Variants in WDR27 observed in about 807,000 individuals in gnomAD.
WDR27 encodes the protein WD repeat domain 27, also known as WD repeat-containing protein 27.
A neutral mutation model predicts 114.4 loss-of-function variants in WDR27; 100 were observed. That is an observed-to-expected ratio of 0.87 (90% CI 0.74 to 1.03). The LOEUF (loss-of-function observed/expected upper bound fraction) is 1.03, where lower values mean the gene tolerates loss of function less well. WDR27 is among the 50% of genes least tolerant of loss of function. The pLI, the probability that WDR27 is intolerant of heterozygous loss-of-function variation, is 0.00. For missense variants in WDR27, 1,129 were observed against 1,092.9 expected, an observed-to-expected ratio of 1.03 and a Z score of -0.47; for synonymous variants, 449 against 423.1, an observed-to-expected ratio of 1.06 and a Z score of -0.75.
chr6:169,569,566 ATGG>A (rs1269531333), intron 25 of WDR27, among the ~76,000 whole-genome samples: 15 of 152,364 alleles, frequency 9.8e-5, no homozygotes, highest in Admixed American at 8.5e-4. Context: ...AAACATAAAT[ATGG>A]TGAATTTTAA....
chr6:169,434,864 C>G, the WDR27 span, among the ~76,000 whole-genome samples: 1 of 152,234 alleles, frequency 6.6e-6, no homozygotes, highest in Non-Finnish European at 1.5e-5. Flanking sequence ...GCATAAGTGA[C>G]AAGGAGCCAA....
At chr6:169,618,642 A>G (rs1340105060) in intron 21 of WDR27, among the ~76,000 whole-genome samples, 1 of 151,378 alleles carries the variant, frequency 6.6e-6, no homozygotes, top group Non-Finnish European at 1.5e-5. Context: ...AAAAAAAAAA[A>G]AAAAAAACAT....
chr6:169,473,415 G>C (rs933380931), intron 25 of WDR27, among the ~76,000 whole-genome samples: 3 of 152,164 alleles, frequency 2.0e-5, no homozygotes, highest in Non-Finnish European at 4.4e-5. Context: ...CAGGGAATGA[G>C]TTATTTTTAA....
chr6:169,484,285 C>G (rs777933746), intron 25 of WDR27, among the ~76,000 whole-genome samples: 24 of 152,194 alleles, frequency 1.6e-4, no homozygotes, highest in Non-Finnish European at 3.2e-4. Flanking sequence ...CCTATCGTCT[C>G]AGCCCAAAAG....
intron 6 of WDR27, chr6:169,666,928 AT>A: frequency 1.0e-6 from 1 of 985,458 alleles, no homozygotes; most frequent in Non-Finnish European, 1.2e-6. Context: ...CCAAGCATCC[AT>A]TTAATTTTAA....
At chr6:169,582,700 T>A in intron 24 of WDR27, 136 bp downstream of exon 24, 1 of 588,146 alleles carries the variant, frequency 1.7e-6, no homozygotes, top group South Asian at 2.6e-5. Context: ...TCCTAAGTTC[T>A]CCTTGCACTC....
rs751822117 is a variant in WDR27 at position 169,668,038 on chromosome 6, A to T, written c.604T>A (p.Phe202Ile). Residue 202 changes from phenylalanine to isoleucine, a missense_variant, in exon 5 of 26, where the codon TTC (phenylalanine) becomes ATC (isoleucine). Coordinates refer to ENST00000448612, the MANE Select transcript of WDR27 (RefSeq NM_182552.5). ...AGGGTGCCTGCTCGCCAGGGACAGA[A>T]CTCCACCGCAGTCACCGGGCCCAGG... ...GHLGPVTAVE[F>I]CPWRAGTLIS... 1.9e-5 allele frequency: 31 copies of T among 1,613,946 alleles called. No homozygotes were observed. The highest frequency in any genetic ancestry group is 2.6e-5 in the Non-Finnish European group (31 of 1,179,864).
chr6:169,664,175 T>G lies in WDR27; in HGVS notation c.895A>C (p.Ser299Arg). 6.3e-7 allele frequency: 1 copy of G among 1,593,466 alleles called. No homozygotes were observed. Residue 299 changes from serine to arginine, a missense_variant, in exon 8 of 26, where the codon AGC (serine) becomes CGC (arginine). Transcript: ENST00000448612. Reference sequence around the variant, plus strand: ...GGTCTGAGCAACCCACCTGGCTGGCTGCACAGCCCAGACTTAACCCTTCTT... The same window carrying G: ...GGTCTGAGCAACCCACCTGGCTGGCGGCACAGCCCAGACTTAACCCTTCTT... ...STRRVKSGLC[S>R]QPEESQLPST... is the part of the protein sequence containing the mutation.
intron 25 of WDR27, among the ~76,000 whole-genome samples, chr6:169,510,140 GGA>G (rs995197871): frequency 1.8e-4 from 27 of 152,186 alleles, no homozygotes; most frequent in Non-Finnish European, 1.3e-4. Flanking sequence ...AACAGGTGCT[GGA>G]GAGGATGTGG....
Position 169,645,044 on chromosome 6 carries a change from A to G in WDR27, c.1658-1258T>C, listed in dbSNP as rs1436900390. On this transcript the variant is annotated intron_variant, in intron 16 of 25. Transcript: ENST00000448612. ...AAAATAAAAAAAAAAAATAAAAAAA[A>G]AAAAAAAAAAAAAAGAAAATCCTAG... Among the ~76,000 whole-genome samples, 8 of 135,158 alleles carry G rather than the reference A, an allele frequency of 5.9e-5. 1 individual carries two copies. The highest frequency in any genetic ancestry group is 2.3e-4 in the African/African-American group (8 of 34,286). 88.7% of individuals were successfully genotyped at this position (135,158 alleles called of 152,430 possible). A position where few individuals can be genotyped will look rare whatever the true frequency, so the allele number is the denominator to read the frequency against.
chr6:169,544,994 A>C (rs576697094), intron 25 of WDR27, among the ~76,000 whole-genome samples: 1 of 152,382 alleles, frequency 6.6e-6, no homozygotes, highest in East Asian at 1.9e-4. Flanking sequence ...AGATTTATCT[A>C]TAGGGTTAAT....
At chr6:169,673,160 G>C (rs1247763424) in intron 2 of WDR27, among the ~76,000 whole-genome samples, 1 of 152,104 alleles carries the variant, frequency 6.6e-6, no homozygotes, top group Non-Finnish European at 1.5e-5. Context: ...AAAGCAAAGG[G>C]ATAGGGTTTG....
chr6:169,590,908 C>A (rs1805630186), intron 23 of WDR27, among the ~76,000 whole-genome samples: 1 of 152,204 alleles, frequency 6.6e-6, no homozygotes, highest in South Asian at 2.1e-4. Flanking sequence ...TAGGGTACTT[C>A]CACACTGTGG....
At chr6:169,545,716 C>T (rs1362632051) in intron 25 of WDR27, among the ~76,000 whole-genome samples, 2 of 151,898 alleles carry the variant, frequency 1.3e-5, no homozygotes, top group East Asian at 3.9e-4. Context: ...AAGACCCTGT[C>T]AAGAGGATAA....
At chr6:169,472,870 T>G (rs1241209944) in intron 25 of WDR27, among the ~76,000 whole-genome samples, 1 of 152,212 alleles carries the variant, frequency 6.6e-6, no homozygotes, top group Non-Finnish European at 1.5e-5. Context: ...TTAAAATTTC[T>G]CCTTAACTGG....
At chr6:169,629,600 A>G (rs1271010833) in intron 21 of WDR27, among the ~76,000 whole-genome samples, 1 of 152,206 alleles carries the variant, frequency 6.6e-6, no homozygotes, top group African/African-American at 2.4e-5. Flanking sequence ...AAGCAGCAGC[A>G]AGTGTCAGAA....
intron 24 of WDR27, among the ~76,000 whole-genome samples, chr6:169,574,320 G>C (rs528860879): frequency 4.5e-4 from 68 of 152,334 alleles, no homozygotes; most frequent in African/African-American, 1.6e-3. Flanking sequence ...TTTGACAACT[G>C]AGCAGTAACA....
In WDR27 at chr6:169,659,149, G is replaced by A. The variant is rs147162720; in HGVS notation, c.1256C>T (p.Pro419Leu). ...CTGCTGAGCCCTGACTAGCGCGGCC[G>A]GGTTGATCTCCAACACGGCAATCTT... ...GGKIAVLEIN[P>L]AALVRAQQCP... Residue 419 changes from proline (P) to leucine (L), a missense_variant, in exon 12 of 26, where the codon CCG becomes CTG. Transcript: ENST00000448612. This position sits in a 1 kb window ranked among gnomAD's most constrained non-coding sequence, Gnocchi z 4.3. The A allele has an allele frequency of 2.2e-4, 362 of 1,611,420 alleles. No homozygotes were observed. In the African/African-American group the frequency reaches 3.5e-3, roughly 16 times the overall value.
chr6:169,700,484 C>A (rs1787619356), intron 1 of WDR27, among the ~76,000 whole-genome samples: 1 of 152,192 alleles, frequency 6.6e-6, no homozygotes, highest in African/African-American at 2.4e-5. Context: ...TAAGTGCAGC[C>A]ATGTAGTCGT....
Sources: gnomAD v4.1 joint callset for allele counts (sites outside exome capture counted in the v4.1 genomes callset) on GRCh38, gnomAD v4.1.1 for gene constraint, Gnocchi (gnomAD v3.1) non-coding constraint, MANE v1.5 for transcripts, NCBI Gene and HGNC (gene_info 2026-07-23, HGNC 2026-07-21) for gene names.